XIRP2: variants seen among roughly 807,000 people sequenced by gnomAD.
XIRP2 encodes xin actin binding repeat containing 2.
A neutral mutation model predicts 277.0 loss-of-function variants in XIRP2; 236 were observed. The ratio of observed to expected loss-of-function variants is 0.85; its 90% CI spans 0.77 to 0.95. The LOEUF (loss-of-function observed/expected upper bound fraction) is 0.95, where lower values mean the gene tolerates loss of function less well. Ranked by LOEUF, XIRP2 falls within the 40% of genes least tolerant of loss-of-function variation. The pLI, the probability that XIRP2 is intolerant of heterozygous loss-of-function variation, is 0.00. For synonymous variants in XIRP2, 1,490 were observed against 1,416.5 expected (o/e 1.05, Z -1.17); for missense variants, 4,640 against 4,157.5 (o/e 1.12, Z -3.19).
chr2:166,905,711 A>C (rs991537147), intron 2 of XIRP2, among the ~76,000 whole-genome samples: 8 of 151,946 alleles, frequency 5.3e-5, no homozygotes, highest in Non-Finnish European at 8.8e-5. Flanking sequence ...TTCACAAAAA[A>C]AGTGTTAGGA....
At chr2:167,032,059 C>G (rs538649637) in intron 2 of XIRP2, among the ~76,000 whole-genome samples, 5 of 152,126 alleles carry the variant, frequency 3.3e-5, no homozygotes, top group Non-Finnish European at 5.9e-5. Flanking sequence ...AACTATACTA[C>G]AAATCTACAG....
chr2:166,889,651 C>T (rs1684052598), intron 1 of XIRP2: 1 of 152,734 alleles, frequency 6.5e-6, no homozygotes, highest in Non-Finnish European at 1.5e-5. Flanking sequence ...CTCTGTCTCT[C>T]CTGCTAGTGC....
At position 167,071,684 on chromosome 2, in the gene XIRP2, G is replaced by C. The variant is rs553427176; in HGVS notation, c.409-64225G>C. 3.0e-3 allele frequency among the ~76,000 whole-genome samples: 454 copies of C among 152,234 alleles called. 4 individuals carry two copies. The highest frequency in any genetic ancestry group is 4.9e-3 in the Non-Finnish European group (333 of 68,006). On this transcript the variant is annotated intron_variant, in intron 2 of 10. Transcript: ENST00000409195. ...TTTTAATAGCTATTAAACTATGTATGGCAGCAAACCAAAACATGAGAACTA... is the reference window on the plus strand; with the variant it reads ...TTTTAATAGCTATTAAACTATGTATCGCAGCAAACCAAAACATGAGAACTA...
At chr2:167,055,438 C>T (rs1457358269) in intron 2 of XIRP2, among the ~76,000 whole-genome samples, 1 of 152,136 alleles carries the variant, frequency 6.6e-6, no homozygotes, top group Non-Finnish European at 1.5e-5. Context: ...AGATGCTTTT[C>T]ATCAAGGATA....
At chr2:167,154,528 T>C (rs1304443322) in intron 3 of XIRP2, among the ~76,000 whole-genome samples, 1 of 151,394 alleles carries the variant, frequency 6.6e-6, no homozygotes, top group Non-Finnish European at 1.5e-5. Context: ...CTTCTAGGGT[T>C]TCTATGGTTT....
intron 2 of XIRP2, among the ~76,000 whole-genome samples, chr2:166,923,831 T>G (rs1685118820): frequency 6.6e-6 from 1 of 152,092 alleles, no homozygotes; most frequent in South Asian, 2.1e-4. Context: ...AGTTTTGGCC[T>G]TTAAAGCAAC....
At position 167,251,639 on chromosome 2, in the gene XIRP2, G is replaced by A. The variant is rs757796231; in HGVS notation, c.10247G>A (p.Ser3416Asn). The part of the protein sequence containing the change: ...PRICSETRSL[S>N]EHFSGMDAFE... ...ATCTGCTCTGAAACCAGGTCTCTAA[G>A]TGAACATTTCTCAGGCATGGATGCA... The change falls in exon 9 of 11, where the codon AGT becomes AAT. Residue 3416 changes from serine to asparagine, a missense_variant. Ser to Asn is a conservative substitution (Grantham distance 46). Coordinates refer to ENST00000409195, the MANE Select transcript of XIRP2 (RefSeq NM_152381.6). 6.2e-7 allele frequency: 1 copy of A among 1,613,478 alleles called. No homozygotes were observed. Among genetic ancestry groups the A allele is most frequent in the Non-Finnish European group, 8.5e-7 (1 of 1,179,642 alleles).
intron 2 of XIRP2, among the ~76,000 whole-genome samples, chr2:166,970,699 G>A (rs528930199): frequency 2.6e-5 from 4 of 151,944 alleles, no homozygotes; most frequent in African/African-American, 7.2e-5. Flanking sequence ...ATCTTAGGTA[G>A]AAATATTTAG....
chr2:167,157,413 G>T (rs187614052), intron 3 of XIRP2, among the ~76,000 whole-genome samples: 37 of 152,176 alleles, frequency 2.4e-4, no homozygotes, highest in African/African-American at 8.9e-4. Flanking sequence ...GATGTTCCTA[G>T]ATCTCAAAGT....
At chr2:167,235,015 A>G (rs977954366) in intron 5 of XIRP2, among the ~76,000 whole-genome samples, 2 of 151,800 alleles carry the variant, frequency 1.3e-5, no homozygotes, top group African/African-American at 2.4e-5. Context: ...TTCTTTTCCT[A>G]TGTTGAAAGA....
chr2:167,212,736 C>T (rs533258237), intron 4 of XIRP2, among the ~76,000 whole-genome samples: 4 of 152,044 alleles, frequency 2.6e-5, no homozygotes, highest in Non-Finnish European at 5.9e-5. Context: ...TTTTTGGCCC[C>T]CAAAATACAT....
intron 2 of XIRP2, among the ~76,000 whole-genome samples, chr2:166,945,430 G>T (rs903666050): frequency 3.3e-5 from 5 of 151,922 alleles, no homozygotes; most frequent in African/African-American, 1.2e-4. Flanking sequence ...CCCATAAAAA[G>T]TTATGAGAGC....
chr2:166,932,473 C>T (rs529170939), intron 2 of XIRP2, among the ~76,000 whole-genome samples: 14 of 152,188 alleles, frequency 9.2e-5, no homozygotes, highest in East Asian at 1.9e-4. Flanking sequence ...CTCAGCTGAA[C>T]GAAAGTGCTT....
At chr2:167,085,210 C>T (rs914732348) in intron 2 of XIRP2, among the ~76,000 whole-genome samples, 1 of 151,086 alleles carries the variant, frequency 6.6e-6, no homozygotes, top group South Asian at 2.1e-4. Context: ...ACCCAGTAGT[C>T]ATTCAGGAGC....
At chr2:167,207,874 T>C (rs763428953) in intron 3 of XIRP2, among the ~76,000 whole-genome samples, 9 of 152,202 alleles carry the variant, frequency 5.9e-5, no homozygotes, top group Non-Finnish European at 1.0e-4. Flanking sequence ...TAATAGATTG[T>C]ATTTTTTAGT....
intron 2 of XIRP2, among the ~76,000 whole-genome samples, chr2:166,983,593 T>C (rs1178395938): frequency 6.6e-6 from 1 of 152,210 alleles, no homozygotes; most frequent in Non-Finnish European, 1.5e-5. Flanking sequence ...AATTGATGGC[T>C]GATCTCTTTG....
chr2:167,030,084 T>C (rs1223785104), intron 2 of XIRP2, among the ~76,000 whole-genome samples: 1 of 152,130 alleles, frequency 6.6e-6, no homozygotes, highest in Non-Finnish European at 1.5e-5. Flanking sequence ...TTTTATTATG[T>C]CTATTTGATT....
intron 2 of XIRP2, among the ~76,000 whole-genome samples, chr2:167,081,401 G>C (rs1011400250): frequency 6.6e-6 from 1 of 152,044 alleles, no homozygotes. Flanking sequence ...CCAGGAGTTC[G>C]AGGCTACAGT....
At chr2:167,036,046 T>C (rs767608727) in intron 2 of XIRP2, among the ~76,000 whole-genome samples, 14 of 152,166 alleles carry the variant, frequency 9.2e-5, no homozygotes, top group Non-Finnish European at 1.3e-4. Flanking sequence ...CTGCCTAGAT[T>C]TCAGAAGATG....
Sources: gnomAD v4.1 joint callset for allele counts (sites outside exome capture counted in the v4.1 genomes callset) on GRCh38, gnomAD v4.1.1 for gene constraint, MANE v1.5 for transcripts, NCBI Gene and HGNC (gene_info 2026-07-23, HGNC 2026-07-21) for gene names.